The following CPNE8 variants were observed in gnomAD, a reference collection of about 807,000 sequenced individuals.
CPNE8 encodes copine 8, also known as copine-8.
Under a neutral mutation model 81.5 loss-of-function variants are expected in CPNE8, and 45 were observed. The observed-to-expected ratio is 0.55, with a 90% CI of 0.44 to 0.71. CPNE8 has a LOEUF of 0.71. CPNE8 is among the 30% of genes least tolerant of loss of function. The pLI is 0.00. For missense variants in CPNE8, 594 were observed against 672.1 expected (o/e 0.88, Z 1.28); for synonymous variants, 252 against 226.3 (o/e 1.11, Z -1.02).
intron 16 of CPNE8, among the ~76,000 whole-genome samples, chr12:38,682,677 A>C (rs1939437303): frequency 6.6e-6 from 1 of 152,214 alleles, no homozygotes; most frequent in Non-Finnish European, 1.5e-5. Flanking sequence ...TGTCACAATG[A>C]ATAATTCCTC....
chr12:38,661,542 C>A (rs1411293797), intron 19 of CPNE8, among the ~76,000 whole-genome samples: 3 of 152,042 alleles, frequency 2.0e-5, no homozygotes, highest in African/African-American at 7.2e-5. Context: ...ACCAACATGG[C>A]ACATATATAC....
At chr12:38,711,902 G>A (rs745740517) in intron 13 of CPNE8, among the ~76,000 whole-genome samples, 5 of 152,112 alleles carry the variant, frequency 3.3e-5, no homozygotes, top group South Asian at 2.1e-4. Context: ...AATGTTCCAT[G>A]TGAAAATGAG....
intron 1 of CPNE8, among the ~76,000 whole-genome samples, chr12:38,901,593 A>G (rs1184498278): frequency 6.6e-6 from 1 of 152,242 alleles, no homozygotes; most frequent in Non-Finnish European, 1.5e-5. Flanking sequence ...AAATTTATAC[A>G]ATAAAAGAAA....
intron 6 of CPNE8, among the ~76,000 whole-genome samples, chr12:38,778,671 T>C (rs1469029985): frequency 6.6e-6 from 1 of 152,216 alleles, no homozygotes; most frequent in African/African-American, 2.4e-5. Flanking sequence ...TTAAAGTCAA[T>C]ACTGCAAGGT....
intron 6 of CPNE8, among the ~76,000 whole-genome samples, chr12:38,827,691 C>T (rs1355496006): frequency 6.6e-6 from 1 of 152,116 alleles, no homozygotes; most frequent in East Asian, 1.9e-4. Flanking sequence ...GAACTAGAGG[C>T]CATTATCCTA....
intron 10 of CPNE8, among the ~76,000 whole-genome samples, chr12:38,732,106 T>C (rs576665705): frequency 4.6e-5 from 7 of 151,886 alleles, no homozygotes; most frequent in Non-Finnish European, 1.0e-4. Flanking sequence ...GAACCTAACA[T>C]AGGGGCCTTA....
intron 13 of CPNE8, among the ~76,000 whole-genome samples, chr12:38,714,759 A>G (rs939847354): frequency 1.3e-5 from 2 of 152,064 alleles, no homozygotes; most frequent in Admixed American, 1.3e-4. Context: ...AAATCTGTCT[A>G]CTGCAGCTAA....
At chr12:38,673,507 G>A (rs1281465501) in intron 18 of CPNE8, among the ~76,000 whole-genome samples, 1 of 151,878 alleles carries the variant, frequency 6.6e-6, no homozygotes, top group Non-Finnish European at 1.5e-5. Flanking sequence ...GCCATGAAGA[G>A]ATGTGTTTTG....
intron 16 of CPNE8, among the ~76,000 whole-genome samples, chr12:38,681,529 G>A (rs1282038627): frequency 6.6e-6 from 1 of 152,090 alleles, no homozygotes; most frequent in Non-Finnish European, 1.5e-5. Flanking sequence ...ATGCTTATGT[G>A]TCAACTAGAC....
intron 18 of CPNE8, among the ~76,000 whole-genome samples, chr12:38,674,473 C>G (rs1268496122): frequency 6.6e-6 from 1 of 152,142 alleles, no homozygotes; most frequent in Admixed American, 6.6e-5. Context: ...GAATCACAGT[C>G]TATCACTAGT....
intron 5 of CPNE8, among the ~76,000 whole-genome samples, chr12:38,829,856 T>C (rs1401389926): frequency 3.3e-5 from 5 of 152,120 alleles, no homozygotes; most frequent in Admixed American, 2.6e-4. Context: ...CAGTAACACT[T>C]AGAGAAAGGT....
At chr12:38,690,807 A>T (rs936945256) in intron 15 of CPNE8, among the ~76,000 whole-genome samples, 1 of 152,164 alleles carries the variant, frequency 6.6e-6, no homozygotes, top group African/African-American at 2.4e-5. Flanking sequence ...ATAGCTCATG[A>T]CCTTTTTCCT....
At chr12:38,799,654 T>C (rs10783392) in intron 6 of CPNE8, among the ~76,000 whole-genome samples, 145,179 of 152,080 alleles carry the variant, frequency 0.95, 69,504 homozygotes, top group East Asian at 1. Context: ...AGTGGAGGAG[T>C]CAAGATGGCC....
intron 4 of CPNE8, among the ~76,000 whole-genome samples, chr12:38,845,148 A>G (rs1015295854): frequency 6.6e-6 from 1 of 152,100 alleles, no homozygotes; most frequent in Non-Finnish European, 1.5e-5. Flanking sequence ...TGATTTTGAG[A>G]CAAGTTTAAC....
chr12:38,886,959 C>T (rs886722883), intron 1 of CPNE8, among the ~76,000 whole-genome samples: 19 of 152,196 alleles, frequency 1.2e-4, no homozygotes, highest in Non-Finnish European at 2.1e-4. Flanking sequence ...AAAGAAATGA[C>T]GACACCCAGG....
chr12:38,872,966 C>T (rs763999724), intron 3 of CPNE8, 38 bp downstream of exon 3: 2 of 1,207,744 alleles, frequency 1.7e-6, no homozygotes, highest in Admixed American at 3.5e-5. Context: ...ACTGTATCTT[C>T]AAGCCCAGTG....
intron 19 of CPNE8, among the ~76,000 whole-genome samples, chr12:38,664,482 T>C (rs1939024159): frequency 6.6e-6 from 1 of 152,092 alleles, no homozygotes; most frequent in South Asian, 2.1e-4. Context: ...AAACATTAAA[T>C]ATAAGGAAGA....
intron 10 of CPNE8, among the ~76,000 whole-genome samples, chr12:38,759,922 G>A (rs1157203312): frequency 6.6e-6 from 1 of 152,114 alleles, no homozygotes. Context: ...TCTTGAACTT[G>A]TTCCTGTATT....
intron 15 of CPNE8, among the ~76,000 whole-genome samples, chr12:38,687,593 G>T (rs1939561990): frequency 6.6e-6 from 1 of 151,878 alleles, no homozygotes; most frequent in Non-Finnish European, 1.5e-5. Context: ...TGTTGACCAG[G>T]CTGGTCTCGA....
Sources: allele counts gnomAD v4.1 joint callset (sites outside exome capture counted in the v4.1 genomes callset), GRCh38; gene constraint gnomAD v4.1.1; transcripts MANE v1.5; gene names NCBI Gene and HGNC (gene_info 2026-07-23, HGNC 2026-07-21).